The following L3MBTL4 variants were observed in gnomAD, a reference collection of about 807,000 sequenced individuals.
L3MBTL4 encodes the protein lethal(3)malignant brain tumor-like protein 4.
L3MBTL4 carries 70 observed loss-of-function variants against 84.5 expected under a neutral mutation model. That is an observed-to-expected ratio of 0.83 (90% CI 0.68 to 1.01). L3MBTL4 has a LOEUF of 1.01. L3MBTL4 is among the 50% of genes least tolerant of loss of function. The probability of loss-of-function intolerance (pLI) is 0.00; values close to 1 mark genes in which losing one functional copy is unlikely to be tolerated. For missense variants in L3MBTL4, 715 were observed against 754.8 expected, an observed-to-expected ratio of 0.95 and a Z score of 0.62; for synonymous variants, 274 against 259.8, an observed-to-expected ratio of 1.05 and a Z score of -0.52.
chr18:6,093,653 G>T, intron 14 of L3MBTL4, 125 bp from the exon 15 acceptor site: 1 of 719,308 alleles, frequency 1.4e-6, no homozygotes, highest in Non-Finnish European at 2.0e-6. Flanking sequence ...CTTTCCCTGA[G>T]CACACTCAAA....
intron 12 of L3MBTL4, among the ~76,000 whole-genome samples, chr18:6,191,838 A>T (rs1003496569): frequency 1.3e-5 from 2 of 152,052 alleles, no homozygotes; most frequent in Non-Finnish European, 2.9e-5. Context: ...AAAATTTTTT[A>T]AATTAGCTGG....
chr18:6,123,465 A>T (rs1203209633), intron 14 of L3MBTL4, among the ~76,000 whole-genome samples: 1 of 152,000 alleles, frequency 6.6e-6, no homozygotes, highest in African/African-American at 2.4e-5. Flanking sequence ...TTCTCATGAG[A>T]TCTGATGGTT....
chr18:6,190,326 T>C (rs1211715475), intron 12 of L3MBTL4, among the ~76,000 whole-genome samples: 1 of 152,226 alleles, frequency 6.6e-6, no homozygotes, highest in East Asian at 1.9e-4. Flanking sequence ...TTTTGAATGA[T>C]AGAAATGTTC....
At chr18:6,207,872 A>G (rs2045937621) in intron 12 of L3MBTL4, among the ~76,000 whole-genome samples, 1 of 152,070 alleles carries the variant, frequency 6.6e-6, no homozygotes, top group Non-Finnish European at 1.5e-5. Flanking sequence ...TTGGGAGCCG[A>G]GGCAGGTGGA....
At chr18:5,985,857 C>T (rs1036617305) in intron 16 of L3MBTL4, among the ~76,000 whole-genome samples, 3 of 152,054 alleles carry the variant, frequency 2.0e-5, no homozygotes, top group African/African-American at 7.2e-5. Context: ...GGGGATGATG[C>T]TACAAATGGA....
At chr18:5,963,034 CT>C (rs1021361332) in intron 17 of L3MBTL4, among the ~76,000 whole-genome samples, 1 of 152,198 alleles carries the variant, frequency 6.6e-6, no homozygotes, top group Non-Finnish European at 1.5e-5. Flanking sequence ...GCTGGGCTCA[CT>C]TTTTCATAGT....
chr18:6,122,252 G>GA (rs2059556096), intron 14 of L3MBTL4, among the ~76,000 whole-genome samples: 1 of 152,026 alleles, frequency 6.6e-6, no homozygotes, highest in Admixed American at 6.6e-5. Context: ...CTTTCCAAAG[G>GA]AAAAAACATC....
intron 1 of L3MBTL4, among the ~76,000 whole-genome samples, chr18:6,400,796 C>G (rs866535500): frequency 1.3e-5 from 2 of 152,136 alleles, no homozygotes; most frequent in Non-Finnish European, 2.9e-5. Flanking sequence ...ATGCTCACTC[C>G]CAAAATCAAG....
chr18:6,333,999 C>T (rs777427395), intron 1 of L3MBTL4, among the ~76,000 whole-genome samples: 65 of 152,166 alleles, frequency 4.3e-4, no homozygotes, highest in Non-Finnish European at 8.4e-4. Context: ...GCATTCCAAA[C>T]GATGCAATAT....
chr18:6,153,381 A>G (rs899453038), intron 13 of L3MBTL4, among the ~76,000 whole-genome samples: 5 of 152,002 alleles, frequency 3.3e-5, no homozygotes, highest in Admixed American at 2.0e-4. Flanking sequence ...TTTGTCTTCT[A>G]CAATTTTTTT....
At chr18:6,309,283 G>A (rs2050725057) in intron 3 of L3MBTL4, among the ~76,000 whole-genome samples, 1 of 152,154 alleles carries the variant, frequency 6.6e-6, no homozygotes, top group Non-Finnish European at 1.5e-5. Context: ...ACAGCCTACT[G>A]TATTAAACTG....
intron 16 of L3MBTL4, among the ~76,000 whole-genome samples, chr18:6,056,636 C>G (rs751612601): frequency 5.3e-5 from 8 of 152,234 alleles, no homozygotes; most frequent in African/African-American, 1.9e-4. Context: ...AGCCACAAAG[C>G]GAGTTTGTGG....
intron 13 of L3MBTL4, among the ~76,000 whole-genome samples, chr18:6,140,853 C>T (rs2060176010): frequency 6.6e-6 from 1 of 151,936 alleles, no homozygotes; most frequent in Admixed American, 6.6e-5. Flanking sequence ...CAGAGCAAAC[C>T]TCTCAAAGTA....
chr18:6,171,766 A>C, intron 13 of L3MBTL4, 62 bp downstream of exon 13: 1 of 961,388 alleles, frequency 1.0e-6, no homozygotes, highest in South Asian at 1.6e-5. Flanking sequence ...TGAATAAGCA[A>C]CATTACGGCT....
chr18:6,098,673 C>T (rs1284197593), intron 14 of L3MBTL4, among the ~76,000 whole-genome samples: 2 of 152,164 alleles, frequency 1.3e-5, no homozygotes, highest in East Asian at 1.9e-4. Flanking sequence ...ATTAGACACA[C>T]AGACTGTAAA....
intron 1 of L3MBTL4, among the ~76,000 whole-genome samples, chr18:6,374,723 G>T (rs2054294649): frequency 6.6e-6 from 1 of 152,036 alleles, no homozygotes; most frequent in Admixed American, 6.6e-5. Context: ...GATAGAACCA[G>T]TCACGCCCCG....
At chr18:6,090,597 C>T (rs1021745124) in intron 15 of L3MBTL4, among the ~76,000 whole-genome samples, 121 of 126,504 alleles carry the variant, frequency 9.6e-4, no homozygotes, top group African/African-American at 4.3e-3. Context: ...TATATATACA[C>T]ACACACACAC....
intron 1 of L3MBTL4, among the ~76,000 whole-genome samples, chr18:6,352,724 C>T (rs2053255032): frequency 6.6e-6 from 1 of 152,138 alleles, no homozygotes. Context: ...TATATCATGA[C>T]CATACAATTT....
Position 6,037,031 on chromosome 18 carries a change from C to T in L3MBTL4, c.1444+43850G>A, listed in dbSNP as rs1390009556. On this transcript the variant is annotated intron_variant, in intron 16 of 18. Transcript: ENST00000317931. Reference sequence around the variant, plus strand: ...CACTGGCTTTTTATATTCCCTGAGTCACTTCAGTTGGTGGGGCTTGCAACA... The same window carrying T: ...CACTGGCTTTTTATATTCCCTGAGTTACTTCAGTTGGTGGGGCTTGCAACA... Among the ~76,000 whole-genome samples, 4 of 152,188 alleles carry T rather than the reference C, an allele frequency of 2.6e-5. No individual in the cohort carries two copies. The East Asian group carries it at 7.7e-4, about 29-fold the overall frequency.
Sources: allele counts gnomAD v4.1 joint callset (sites outside exome capture counted in the v4.1 genomes callset), GRCh38; gene constraint gnomAD v4.1.1; transcripts MANE v1.5; gene names NCBI Gene and HGNC (gene_info 2026-07-23, HGNC 2026-07-21).